JMJD6: variants seen among roughly 807,000 people sequenced by gnomAD.
JMJD6 encodes the protein bifunctional arginine demethylase and lysyl-hydroxylase JMJD6.
In JMJD6, 17 loss-of-function variants were observed where a neutral mutation model predicts 45.8. That is an observed-to-expected ratio of 0.37 (90% CI 0.25 to 0.56). The LOEUF (loss-of-function observed/expected upper bound fraction) is 0.56, where lower values mean the gene tolerates loss of function less well. Among genes scored for constraint, JMJD6 ranks in the 20% least tolerant of loss-of-function variants. The pLI, the probability that JMJD6 is intolerant of heterozygous loss-of-function variation, is 0.79. For synonymous variants in JMJD6, 221 were observed against 196.3 expected (o/e 1.13, Z -1.05); for missense variants, 470 against 517.5 (o/e 0.91, Z 0.89).
chr17:76,715,790 C>G (rs1246129258), downstream of JMJD6: 1 of 152,190 alleles, frequency 6.6e-6, no homozygotes, highest in African/African-American at 2.4e-5. Context: ...GGTCAATCCC[C>G]AAAAAGTCAT....
chr17:76,719,883 A>G (rs2076801138), intron 5 of JMJD6, among the ~76,000 whole-genome samples: 1 of 152,152 alleles, frequency 6.6e-6, no homozygotes, highest in Non-Finnish European at 1.5e-5. Flanking sequence ...GCACTTTGGG[A>G]GGCTGAGGCG....
chr17:76,720,268 C>T (rs2076806347), intron 5 of JMJD6, 92 bp downstream of exon 5: 1 of 1,206,442 alleles, frequency 8.3e-7, no homozygotes, highest in South Asian at 1.2e-5. Flanking sequence ...ATATCCTTCT[C>T]CTGGATAGGA....
intron 1 of JMJD6, 120 bp downstream of exon 1, chr17:76,726,227 G>A (rs1598388123): frequency 7.6e-7 from 1 of 1,314,492 alleles, no homozygotes; most frequent in East Asian, 2.9e-5. Context: ...CGCGGGGTGC[G>A]GGTGAGCCTC....
downstream of JMJD6, among the ~76,000 whole-genome samples, chr17:76,717,305 C>T (rs1006138443): frequency 6.6e-6 from 1 of 152,194 alleles, no homozygotes; most frequent in Non-Finnish European, 1.5e-5. Context: ...GCCTTGGCCT[C>T]CCAAAGTGCT....
chr17:76,720,405 G>A lies in JMJD6; in HGVS notation c.1035C>T (p.Asp345=). ...AACTGGAGCTGGAGGAGCTGGAAGA[G>A]TCGCTGGAGCTGTCGGAAGCTATCC... ...STGIASDSSS[D]SSSSSSSSSS... The change falls in exon 5 of 6, where the codon GAC becomes GAT. Residue 345 remains aspartate, a synonymous_variant. Transcript: ENST00000397625. 1.9e-6 allele frequency: 3 copies of A among 1,614,200 alleles called. No individual in the cohort carries two copies. Among genetic ancestry groups the A allele is most frequent in the Non-Finnish European group, 2.5e-6 (3 of 1,180,028 alleles).
chr17:76,721,661 T>A, intron 4 of JMJD6, 137 bp downstream of exon 4: 1 of 960,778 alleles, frequency 1.0e-6, no homozygotes, highest in Non-Finnish European at 1.6e-6. Flanking sequence ...CTCTCTCCTC[T>A]ACCCAGAGGG....
intron 1 of JMJD6, 144 bp from the exon 2 acceptor site, chr17:76,725,999 G>A: frequency 9.0e-7 from 1 of 1,106,420 alleles, no homozygotes; most frequent in Non-Finnish European, 1.2e-6. Flanking sequence ...GGCAGGGCGC[G>A]TGCGTGAGGC....
rs1460828577 is a variant in JMJD6, at chr17:76,719,716, TTCA to T, written c.1080+641_1080+643del. 2.6e-5 allele frequency among the ~76,000 whole-genome samples: 4 copies of T among 152,356 alleles called. No homozygotes were observed. The East Asian group carries it at 7.7e-4, about 29-fold the overall frequency. On this transcript the variant is annotated intron_variant, in intron 5 of 5. Coordinates refer to ENST00000397625, the MANE Select transcript of JMJD6 (RefSeq NM_015167.3). ...AATTCACCATCCATGGGGGAAATTCTTCATATGAGCTTTGAGGTCAGAAGGATG... is the reference window on the plus strand; with the variant it reads ...AATTCACCATCCATGGGGGAAATTCTTATGAGCTTTGAGGTCAGAAGGATG...
chr17:76,724,044 C>T lies in JMJD6; in HGVS notation c.533G>A (p.Gly178Glu). Residue 178 changes from glycine to glutamate, a missense_variant, in exon 3 of 6, where the codon GGG (glycine) becomes GAG (glutamate). By Grantham distance (98) the Gly-to-Glu change is moderately conservative. Around this residue, in one of 4 missense-constraint regions of JMJD6, gnomAD observed 346 missense variants for 339.5 expected, o/e 1.02. Coordinates refer to ENST00000397625, the MANE Select transcript of JMJD6 (RefSeq NM_015167.3). ...RRPPYRWFVMGPPRSGTGIHI... is the reference protein window; with the variant it reads ...RRPPYRWFVMEPPRSGTGIHI... ...AATCCCAGTTCCGGAGCGTGGTGGCCCCATCACAAACCACCTACAGAATGG... is the reference window on the plus strand; with the variant it reads ...AATCCCAGTTCCGGAGCGTGGTGGCTCCATCACAAACCACCTACAGAATGG... 6.2e-7 allele frequency: 1 copy of T among 1,613,758 alleles called. No homozygotes were observed. The highest frequency in any genetic ancestry group is 8.5e-7 in the Non-Finnish European group (1 of 1,179,796).
intron 3 of JMJD6, among the ~76,000 whole-genome samples, chr17:76,723,139 T>G (rs1053103527): frequency 1.3e-5 from 2 of 151,556 alleles, no homozygotes; most frequent in African/African-American, 4.8e-5. Context: ...AGAGACAGGG[T>G]TTCACCATGT....
intron 2 of JMJD6, 123 bp from the exon 3 acceptor site, chr17:76,724,181 C>T (rs753102423): frequency 3.3e-5 from 35 of 1,058,634 alleles, no homozygotes; most frequent in Non-Finnish European, 4.2e-5. Context: ...AATGCAGTGG[C>T]GTGATCTTGG....
intron 3 of JMJD6, among the ~76,000 whole-genome samples, chr17:76,722,896 C>CA: frequency 7.4e-6 from 1 of 135,194 alleles, no homozygotes; most frequent in Non-Finnish European, 1.6e-5. Flanking sequence ...TACAGAAACA[C>CA]AAACAAGCCG....
chr17:76,725,876 C>T (rs759262533), intron 1 of JMJD6, 21 bp from the exon 2 acceptor site: 10 of 1,559,846 alleles, frequency 6.4e-6, no homozygotes, highest in Non-Finnish European at 6.9e-6. Flanking sequence ...TAAAAAAGAC[C>T]TGTCCAGTTA....
downstream of JMJD6, chr17:76,718,408 T>C (rs2076783629): frequency 8.0e-7 from 1 of 1,255,134 alleles, no homozygotes; most frequent in Non-Finnish European, 1.0e-6. Context: ...AGAAGAGCAA[T>C]AAGGGAATGT....
chr17:76,726,204 G>T, intron 1 of JMJD6, 143 bp downstream of exon 1: 1 of 1,168,246 alleles, frequency 8.6e-7, no homozygotes, highest in Non-Finnish European at 1.1e-6. Context: ...CGCGCCTCGG[G>T]GACCCCAAAC....
downstream of JMJD6, among the ~76,000 whole-genome samples, chr17:76,717,084 C>T (rs991507640): frequency 2.6e-5 from 4 of 152,044 alleles, no homozygotes; most frequent in Admixed American, 6.6e-5. Context: ...AGGAGGGCTG[C>T]GGGTCCTGCA....
At chr17:76,725,424 AAAAAG>A (rs748138695) in intron 2 of JMJD6, 38 bp downstream of exon 2, 3 of 1,508,528 alleles carry the variant, frequency 2.0e-6, no homozygotes, top group Admixed American at 2.4e-5. Context: ...AAAAAAAAAA[AAAAAG>A]AAAAGGATTT....
chr17:76,724,359 T>A (rs539794080), intron 2 of JMJD6, among the ~76,000 whole-genome samples: 17 of 151,804 alleles, frequency 1.1e-4, no homozygotes, highest in African/African-American at 4.1e-4. Context: ...TGGCCTCAAG[T>A]GATCACCTGC....
chr17:76,722,874 T>TAAAAAA (rs1598378821), intron 3 of JMJD6, among the ~76,000 whole-genome samples: 1 of 118,376 alleles, frequency 8.4e-6, no homozygotes, highest in African/African-American at 3.4e-5. Context: ...AAAAAAGAAT[T>TAAAAAA]AAACCCCAAT....
Sources: allele counts gnomAD v4.1 joint callset (sites outside exome capture counted in the v4.1 genomes callset), GRCh38; gene constraint gnomAD v4.1.1; regional missense constraint gnomAD v4.1.1; transcripts MANE v1.5; gene names NCBI Gene and HGNC (gene_info 2026-07-23, HGNC 2026-07-21).